Variants in MS4A15 observed in about 807,000 individuals in gnomAD.
The protein encoded by MS4A15 is membrane-spanning 4-domains subfamily A member 15.
MS4A15 carries 22 observed loss-of-function variants against 20.6 expected under a neutral mutation model. That is an observed-to-expected ratio of 1.07 (90% confidence interval 0.76 to 1.52). MS4A15 has a LOEUF of 1.52. MS4A15 is among the 40% of genes most tolerant of loss of function. The pLI is 0.00. For missense variants in MS4A15, 312 were observed against 323.0 expected, an observed-to-expected ratio of 0.97 and a Z score of 0.26; for synonymous variants, 129 against 129.3, an observed-to-expected ratio of 1.00 and a Z score of 0.02.
At chr11:60,769,715 G>T (rs1372469273) in intron 3 of MS4A15, among the ~76,000 whole-genome samples, 1 of 152,072 alleles carries the variant, frequency 6.6e-6, no homozygotes, top group Non-Finnish European at 1.5e-5. Flanking sequence ...CCACCCAACT[G>T]CCAAAGCTAA....
chr11:60,763,565 C>T, intron 1 of MS4A15, 141 bp from the exon 2 acceptor site: 1 of 675,954 alleles, frequency 1.5e-6, no homozygotes, highest in East Asian at 2.7e-5. Context: ...CTCTGAGTCT[C>T]AGCTTCCCCA....
At chr11:60,762,482 A>G (rs1221812343) in intron 1 of MS4A15, among the ~76,000 whole-genome samples, 1 of 152,254 alleles carries the variant, frequency 6.6e-6, no homozygotes, top group East Asian at 1.9e-4. Flanking sequence ...AACTTAAAAA[A>G]TGGTCACAGC....
chr11:60,763,914 C>T lies in MS4A15; in HGVS notation c.181C>T (p.Arg61Trp), dbSNP rs536855361. Residue 61 changes from arginine (R) to tryptophan (W), a missense_variant, in exon 2 of 7, where the codon CGG becomes TGG. Arg to Trp is a moderately radical substitution (Grantham distance 101). Coordinates refer to ENST00000405633, the MANE Select transcript of MS4A15 (RefSeq NM_001098835.2). ...AAGGGCCACACAGCCACCTGACTTG[C>T]GGCCCGTGGAGACATTCCTGACAGG... ...TPRATQPPDLRPVETFLTGEP... is the reference protein window; with the variant it reads ...TPRATQPPDLWPVETFLTGEP... The T allele has an allele frequency of 1.3e-4, 216 of 1,613,078 alleles. No homozygotes were observed. In the South Asian group the frequency reaches 1.4e-3, roughly 10 times the overall value.
intron 1 of MS4A15, among the ~76,000 whole-genome samples, chr11:60,762,757 G>A (rs900905836): frequency 5.3e-5 from 8 of 152,138 alleles, no homozygotes; most frequent in Admixed American, 6.5e-5. Flanking sequence ...GAGGGTGCAC[G>A]GCAACATATC....
chr11:60,768,547 C>T (rs1264944611), intron 3 of MS4A15, among the ~76,000 whole-genome samples: 1 of 152,182 alleles, frequency 6.6e-6, no homozygotes. Flanking sequence ...CCCAAGGAAG[C>T]ACAGGCCTCA....
chr11:60,776,333 T>C lies in MS4A15; in HGVS notation c.*618T>C, dbSNP rs1011807374. ...TCCCCAGGCTCCCTGAAGTCCTGGG[T>C]CTAGGCCAGGCATTGTCCCCCTGCT... On this transcript the variant is annotated 3_prime_UTR_variant, in exon 7 of 7. Coordinates refer to ENST00000405633, the MANE Select transcript of MS4A15 (RefSeq NM_001098835.2). The C allele has an allele frequency of 6.6e-6, 1 of 152,344 alleles. No individual in the cohort carries two copies. The highest frequency in any genetic ancestry group is 2.4e-5 in the African/African-American group (1 of 41,432). 9.4% of individuals were successfully genotyped at this position (152,344 alleles called of 1,614,324 possible).
intron 6 of MS4A15, among the ~76,000 whole-genome samples, chr11:60,775,064 C>T (rs973512878): frequency 1.3e-4 from 20 of 152,278 alleles, no homozygotes; most frequent in Non-Finnish European, 2.1e-4. Context: ...GCCTGTAACC[C>T]CGGCACTTTG....
chr11:60,759,645 G>A (rs563574088), intron 1 of MS4A15, among the ~76,000 whole-genome samples: 17 of 151,552 alleles, frequency 1.1e-4, no homozygotes, highest in Admixed American at 6.6e-4. Flanking sequence ...GTGTAAAGCC[G>A]ACTATTCGTT....
chr11:60,757,031 A>G lies in MS4A15; in HGVS notation c.-56A>G, dbSNP rs1480291649. The stretch of plus-strand genomic sequence containing the variant: ...GCCTTGAAGTTACGCTTGAAGGAGG[A>G]AAACTCATCAATTTTCGGGGAATCC... On this transcript the variant is annotated 5_prime_UTR_variant, in exon 1 of 7. Coordinates refer to ENST00000405633, the MANE Select transcript of MS4A15 (RefSeq NM_001098835.2). The G allele has an allele frequency of 2.6e-5, 4 of 152,218 alleles. No individual in the cohort carries two copies. The highest frequency in any genetic ancestry group is 4.8e-5 in the African/African-American group (2 of 41,464). 9.4% of individuals were successfully genotyped at this position (152,218 alleles called of 1,614,324 possible). A position where few individuals can be genotyped will look rare whatever the true frequency, so the allele number is the denominator to read the frequency against.
intron 4 of MS4A15, chr11:60,771,877 G>A: frequency 2.7e-6 from 2 of 749,184 alleles, no homozygotes; most frequent in Non-Finnish European, 3.7e-6. Context: ...CTTTGAACAG[G>A]AGGGTATGAG....
intron 1 of MS4A15, among the ~76,000 whole-genome samples, chr11:60,760,116 C>G (rs1339332359): frequency 6.6e-6 from 1 of 152,226 alleles, no homozygotes; most frequent in Non-Finnish European, 1.5e-5. Flanking sequence ...GATCATCACC[C>G]TCTTTACATC....
At chr11:60,770,507 AG>A (rs1854006578) in intron 3 of MS4A15, among the ~76,000 whole-genome samples, 1 of 151,548 alleles carries the variant, frequency 6.6e-6, no homozygotes, top group Non-Finnish European at 1.5e-5. Context: ...CTGGGGCAGG[AG>A]AATCACTTGA....
rs563778858 is a variant in MS4A15 at position 60,771,865 on chromosome 11, G to A, written c.405+518G>A. The A allele has an allele frequency of 6.9e-5, 62 of 896,810 alleles. No individual in the cohort carries two copies. The South Asian group carries it at 1.1e-3, about 16-fold the overall frequency. The allele number at this position is 896,810 out of a possible 1,614,324, so 55.6% of individuals were successfully genotyped here. The stretch of plus-strand genomic sequence containing the variant: ...TCTGCAGGCACTGGGAGGCGATGGA[G>A]GCTTTGAACAGGAGGGTATGAGCTT... On this transcript the variant is annotated intron_variant, in intron 4 of 6. Coordinates refer to ENST00000405633, the MANE Select transcript of MS4A15 (RefSeq NM_001098835.2).
chr11:60,757,307 G>C (rs1351244720), intron 1 of MS4A15, among the ~76,000 whole-genome samples: 1 of 152,194 alleles, frequency 6.6e-6, no homozygotes, highest in Admixed American at 6.5e-5. Flanking sequence ...GGAGCAGGTA[G>C]GTCACTGCCT....
In MS4A15 at chr11:60,763,917, C is replaced by A. The variant is rs1565069791; in HGVS notation, c.184C>A (p.Pro62Thr). The A allele has an allele frequency of 6.2e-7, 1 of 1,613,054 alleles. No individual in the cohort carries two copies. The highest frequency in any genetic ancestry group is 1.1e-5 in the South Asian group (1 of 91,026). Residue 62 changes from proline (P) to threonine (T), a missense_variant, in exon 2 of 7, where the codon CCC becomes ACC. Coordinates refer to ENST00000405633, the MANE Select transcript of MS4A15 (RefSeq NM_001098835.2). The part of the protein sequence containing the change: ...PRATQPPDLR[P>T]VETFLTGEPK... ...GGCCACACAGCCACCTGACTTGCGGCCCGTGGAGACATTCCTGACAGGAGA... is the reference window on the plus strand; with the variant it reads ...GGCCACACAGCCACCTGACTTGCGGACCGTGGAGACATTCCTGACAGGAGA...
chr11:60,775,674 C>A lies in MS4A15; in HGVS notation c.682C>A (p.Pro228Thr). The A allele has an allele frequency of 2.5e-6, 4 of 1,614,022 alleles. No homozygotes were observed. Among genetic ancestry groups the A allele is most frequent in the Non-Finnish European group, 3.4e-6 (4 of 1,179,956 alleles). Reference sequence around the variant, plus strand: ...CCCCAGCCCGGCAGCCTCTGCGCCCCCTGCCTATGACAATGTGGCATATGC... The same window carrying A: ...CCCCAGCCCGGCAGCCTCTGCGCCCACTGCCTATGACAATGTGGCATATGC... ...NIPSPAASAP[P>T]AYDNVAYAQG... The change falls in exon 7 of 7, where the codon CCT (proline) becomes ACT (threonine). Residue 228 changes from proline to threonine, a missense_variant. Coordinates refer to ENST00000405633, the MANE Select transcript of MS4A15 (RefSeq NM_001098835.2).
rs1021720366 is a variant in MS4A15, at chr11:60,776,062, A to C, written c.*347A>C. The C allele has an allele frequency of 5.6e-6, 1 of 177,850 alleles. No individual in the cohort carries two copies. Among genetic ancestry groups the C allele is most frequent in the African/African-American group, 2.3e-5 (1 of 42,758 alleles). The allele number at this position is 177,850 out of a possible 1,614,324, so 11.0% of individuals were successfully genotyped here. A position where few individuals can be genotyped will look rare whatever the true frequency, so the allele number is the denominator to read the frequency against. On this transcript the variant is annotated 3_prime_UTR_variant, in exon 7 of 7. Transcript: ENST00000405633. ...AGACTCAGGTTCGAGGCCTGCCCTG[A>C]CCCTCGGGCCTCGGGAAGGTCAGAG...
In MS4A15 at chr11:60,762,779, A is replaced by T. The variant is rs571991891; in HGVS notation, c.-28-927A>T. Among the ~76,000 whole-genome samples, 6 of 152,346 alleles carry T rather than the reference A, an allele frequency of 3.9e-5. No individual in the cohort carries two copies. In the South Asian group the frequency reaches 1.2e-3, roughly 32 times the overall value. On this transcript the variant is annotated intron_variant, in intron 1 of 6. Coordinates refer to ENST00000405633, the MANE Select transcript of MS4A15 (RefSeq NM_001098835.2). The stretch of plus-strand genomic sequence containing the variant: ...CACGGCAACATATCCAAGCTTATGT[A>T]CATGGCATTTGAGGTTGGGGCATGG...
intron 6 of MS4A15, among the ~76,000 whole-genome samples, 185 bp downstream of exon 6, chr11:60,774,135 G>A (rs1308009798): frequency 1.3e-5 from 2 of 152,150 alleles, no homozygotes; most frequent in East Asian, 3.9e-4. Context: ...TCTTTGGGCT[G>A]GGCATGGTGA....
Sources: gnomAD v4.1 joint callset for allele counts (sites outside exome capture counted in the v4.1 genomes callset) on GRCh38, gnomAD v4.1.1 for gene constraint, MANE v1.5 for transcripts, NCBI Gene and HGNC (gene_info 2026-07-23, HGNC 2026-07-21) for gene names.